SLC4A7: variants seen among roughly 807,000 people sequenced by gnomAD.
SLC4A7 encodes the protein solute carrier family 4 member 7.
In SLC4A7, 51 loss-of-function variants were observed where a neutral mutation model predicts 137.6. That is an observed-to-expected ratio of 0.37 (90% CI 0.30 to 0.47). SLC4A7 has a LOEUF of 0.47. SLC4A7 is among the 20% of genes least tolerant of loss of function. The probability of loss-of-function intolerance (pLI) is 1.00; values close to 1 mark genes in which losing one functional copy is unlikely to be tolerated. For synonymous variants in SLC4A7, 542 were observed against 518.6 expected (o/e 1.05, Z -0.61); for missense variants, 1,247 against 1,525.4 (o/e 0.82, Z 3.04).
intron 1 of SLC4A7, among the ~76,000 whole-genome samples, chr3:27,479,291 G>A (rs2059610424): frequency 1.3e-5 from 2 of 152,022 alleles, no homozygotes; most frequent in African/African-American, 4.8e-5. Context: ...TGGTGTGCCT[G>A]TATTCCCAGC....
At chr3:27,471,995 A>G (rs1466080452) in intron 1 of SLC4A7, among the ~76,000 whole-genome samples, 1 of 152,188 alleles carries the variant, frequency 6.6e-6, no homozygotes, top group Non-Finnish European at 1.5e-5. Context: ...TCCTCCAATC[A>G]GCTATTTATT....
rs2056534315 is a variant in SLC4A7, at chr3:27,434,051, C to G, written c.643G>C (p.Glu215Gln). The G allele has an allele frequency of 6.2e-7, 1 of 1,613,490 alleles. No individual in the cohort carries two copies. The highest frequency in any genetic ancestry group is 1.3e-5 in the African/African-American group (1 of 74,828). ...ASGQLDESIR[E>Q]NVREALLKRH... ...TTCAGAAGAGCTTCTCTGACATTCT[C>G]TCGTATGGACTCGTCTAATTGGCCA... The change falls in exon 6 of 26, where the codon GAG becomes CAG. Residue 215 changes from glutamate (E) to glutamine (Q), a missense_variant. Transcript: ENST00000454389.
intron 12 of SLC4A7, among the ~76,000 whole-genome samples, chr3:27,411,159 C>G (rs1238817432): frequency 6.6e-6 from 1 of 152,094 alleles, no homozygotes; most frequent in Non-Finnish European, 1.5e-5. Context: ...ATTTTTCTAG[C>G]TAGGTTTCCA....
intron 10 of SLC4A7, among the ~76,000 whole-genome samples, chr3:27,418,994 T>A (rs906641783): frequency 2.0e-5 from 3 of 152,182 alleles, no homozygotes; most frequent in Admixed American, 6.5e-5. Flanking sequence ...ATCATGGATA[T>A]GCAAACAACT....
chr3:27,444,455 T>C (rs2057441514), intron 3 of SLC4A7, among the ~76,000 whole-genome samples: 1 of 152,218 alleles, frequency 6.6e-6, no homozygotes, highest in African/African-American at 2.4e-5. Context: ...GACTACATGA[T>C]ATTGTCCCAC....
In SLC4A7 at chr3:27,372,908, T is replaced by C. The variant is rs1302269020; in HGVS notation, c.*3856A>G. 1 of 152,574 alleles carries C rather than the reference T, an allele frequency of 6.6e-6. No homozygotes were observed. Among genetic ancestry groups the C allele is most frequent in the Non-Finnish European group, 1.5e-5 (1 of 68,012 alleles). The allele number at this position is 152,574 out of a possible 1,614,324, so 9.5% of individuals were successfully genotyped here. On this transcript the variant is annotated 3_prime_UTR_variant, in exon 26 of 26. Coordinates refer to ENST00000454389, the MANE Select transcript of SLC4A7 (RefSeq NM_001321103.2). ...ATTTAAATGTTTACTTTGGATTTTA[T>C]TATAGAAGAAAATATCATTGTAATT...
chr3:27,412,464 G>C (rs567867533), intron 11 of SLC4A7, among the ~76,000 whole-genome samples: 3 of 152,268 alleles, frequency 2.0e-5, no homozygotes, highest in African/African-American at 7.2e-5. Context: ...CATCCCAGGA[G>C]GTTTACTGGG....
intron 1 of SLC4A7, among the ~76,000 whole-genome samples, chr3:27,466,795 T>C (rs557613508): frequency 1.3e-5 from 2 of 152,096 alleles, no homozygotes; most frequent in South Asian, 4.1e-4. Flanking sequence ...AGGCAGCAGT[T>C]TCAGAGAGCC....
At chr3:27,386,145 A>C in intron 22 of SLC4A7, 122 bp from the exon 23 acceptor site, 3 of 649,354 alleles carry the variant, frequency 4.6e-6, no homozygotes, top group Middle Eastern at 4.0e-4. Flanking sequence ...AATTATTCAC[A>C]CATCATTTTG....
chr3:27,471,806 T>C (rs912470731), intron 1 of SLC4A7, among the ~76,000 whole-genome samples: 1 of 152,208 alleles, frequency 6.6e-6, no homozygotes, highest in African/African-American at 2.4e-5. Flanking sequence ...AGCTTTAACA[T>C]TTGAGTGATT....
At chr3:27,411,832 T>C (rs1231491025) in intron 11 of SLC4A7, 84 bp from the exon 12 acceptor site, 1 of 535,524 alleles carries the variant, frequency 1.9e-6, no homozygotes, top group Admixed American at 3.9e-5. Flanking sequence ...GAATATCAGA[T>C]TTTATATTGA....
rs2049657845 is a variant in SLC4A7 at position 27,372,952 on chromosome 3, G to A, written c.*3812C>T. 6.6e-6 allele frequency: 1 copy of A among 152,044 alleles called. No individual in the cohort carries two copies. Among genetic ancestry groups the A allele is most frequent in the African/African-American group, 2.4e-5 (1 of 41,270 alleles). 9.4% of individuals were successfully genotyped at this position (152,044 alleles called of 1,614,324 possible). On this transcript the variant is annotated 3_prime_UTR_variant, in exon 26 of 26. Coordinates refer to ENST00000454389, the MANE Select transcript of SLC4A7 (RefSeq NM_001321103.2). ...TGTAATTATAAAAGCCATAAAAATT[G>A]GAACTGTATTGTGAAATTACATCAA...
At chr3:27,392,479 A>G (rs1559644441) in intron 20 of SLC4A7, among the ~76,000 whole-genome samples, 1 of 152,194 alleles carries the variant, frequency 6.6e-6, no homozygotes, top group Non-Finnish European at 1.5e-5. Context: ...CATCTCTTCT[A>G]AACAACCTAG....
At chr3:27,459,010 A>T (rs990863467) in intron 1 of SLC4A7, among the ~76,000 whole-genome samples, 16 of 152,198 alleles carry the variant, frequency 1.1e-4, no homozygotes, top group Middle Eastern at 3.4e-3. Context: ...TAAAAAATTA[A>T]ATTAAAAAAA....
Position 27,422,758 on chromosome 3 carries a change from T to C in SLC4A7, c.1267-979A>G, listed in dbSNP as rs1350194328. 2.6e-5 allele frequency: 12 copies of C among 455,798 alleles called. No individual in the cohort carries two copies. In the East Asian group the frequency reaches 7.6e-4, roughly 29 times the overall value. The allele number at this position is 455,798 out of a possible 1,614,324, so 28.2% of individuals were successfully genotyped here. On this transcript the variant is annotated intron_variant, in intron 8 of 25. Coordinates refer to ENST00000454389, the MANE Select transcript of SLC4A7 (RefSeq NM_001321103.2). ...AAACAACCACTTACAGGGCTATCTATGAAAAGTAAAACCAGCACTTACAGC... is the reference window on the plus strand; with the variant it reads ...AAACAACCACTTACAGGGCTATCTACGAAAAGTAAAACCAGCACTTACAGC...
chr3:27,411,057 T>C (rs1320966860), intron 12 of SLC4A7, among the ~76,000 whole-genome samples: 3 of 152,188 alleles, frequency 2.0e-5, no homozygotes, highest in Non-Finnish European at 2.9e-5. Context: ...ATGAAAATAC[T>C]ATAACATTTA....
In SLC4A7 at chr3:27,403,351, G is replaced by C. The variant is rs1162022913; in HGVS notation, c.2109C>G (p.Thr703=). The change falls in exon 15 of 26, where the codon ACC becomes ACG. Residue 703 remains threonine (T), a synonymous_variant. Transcript: ENST00000454389. ...DYQLSYLSLR[T]SIGLWTSFLC... ...AAAAAGAAGTCCACAGACCAATACT[G>C]GTTCTTAAAGACAGATAAGAAAGTT... is the stretch of plus-strand genomic sequence containing the variant. 3 of 1,599,496 alleles carry C rather than the reference G, an allele frequency of 1.9e-6. No homozygotes were observed. The highest frequency in any genetic ancestry group is 2.7e-5 in the African/African-American group (2 of 74,204).
At chr3:27,395,165 A>T (rs758479383) in intron 18 of SLC4A7, 50 bp from the exon 19 acceptor site, 74 of 1,373,526 alleles carry the variant, frequency 5.4e-5, no homozygotes, top group Non-Finnish European at 6.5e-5. Flanking sequence ...GCTGTATTGC[A>T]CTAAATTTCC....
At chr3:27,387,024 A>G (rs2051029819) in intron 22 of SLC4A7, among the ~76,000 whole-genome samples, 1 of 152,194 alleles carries the variant, frequency 6.6e-6, no homozygotes. Flanking sequence ...CAATGTATTC[A>G]GATACATTTC....
Sources: allele counts gnomAD v4.1 joint callset (sites outside exome capture counted in the v4.1 genomes callset), GRCh38; gene constraint gnomAD v4.1.1; transcripts MANE v1.5; gene names NCBI Gene and HGNC (gene_info 2026-07-23, HGNC 2026-07-21).